The following UTS2B variants were observed in gnomAD, a reference collection of about 807,000 sequenced individuals.
The protein encoded by UTS2B is urotensin 2B.
UTS2B carries 21 observed loss-of-function variants against 19.2 expected under a neutral mutation model. That is an observed-to-expected ratio of 1.09 (90% CI 0.78 to 1.58). The LOEUF is 1.58. Ranked by LOEUF, UTS2B falls within the 40% of genes most tolerant of loss-of-function variation. The pLI is 0.00. For missense variants in UTS2B, 138 were observed against 130.3 expected (o/e 1.06, Z -0.29); for synonymous variants, 57 against 50.2 (o/e 1.14, Z -0.58).
chr3:191,280,976 G>A (rs965197022), intron 5 of UTS2B, among the ~76,000 whole-genome samples: 1 of 152,114 alleles, frequency 6.6e-6, no homozygotes, highest in Non-Finnish European at 1.5e-5. Context: ...AGGTCTCTGA[G>A]ACTACTTGTT....
chr3:191,283,371 G>T (rs998813635), intron 4 of UTS2B, among the ~76,000 whole-genome samples: 1 of 152,134 alleles, frequency 6.6e-6, no homozygotes, highest in Admixed American at 6.5e-5. Context: ...ACTGATTCCT[G>T]AAGCTACTGA....
At chr3:191,320,028 A>G (rs1336879950) in intron 2 of UTS2B, among the ~76,000 whole-genome samples, 1 of 152,178 alleles carries the variant, frequency 6.6e-6, no homozygotes, top group Admixed American at 6.5e-5. Flanking sequence ...TTATATGTCA[A>G]CACTATTCTA....
At chr3:191,295,098 G>A (rs1048611774) in intron 4 of UTS2B, among the ~76,000 whole-genome samples, 1 of 151,802 alleles carries the variant, frequency 6.6e-6, no homozygotes, top group Non-Finnish European at 1.5e-5. Context: ...CACCAAATAA[G>A]TTTTATTAGG....
chr3:191,330,104 G>A (rs1434018137), intron 1 of UTS2B, among the ~76,000 whole-genome samples: 2 of 152,148 alleles, frequency 1.3e-5, no homozygotes, highest in African/African-American at 4.8e-5. Context: ...CTGGGAAGTG[G>A]AGAGGGGTTG....
At chr3:191,285,806 G>A (rs1413998657) in intron 4 of UTS2B, among the ~76,000 whole-genome samples, 3 of 152,020 alleles carry the variant, frequency 2.0e-5, no homozygotes, top group Non-Finnish European at 4.4e-5. Context: ...AGCTGAGGCA[G>A]GGGAATCAAT....
intron 5 of UTS2B, among the ~76,000 whole-genome samples, chr3:191,281,154 G>A (rs1035207636): frequency 6.6e-6 from 1 of 152,182 alleles, no homozygotes; most frequent in African/African-American, 2.4e-5. Context: ...CTAATGTCAT[G>A]TAAACAAAAT....
intron 3 of UTS2B, among the ~76,000 whole-genome samples, chr3:191,310,011 G>A (rs890135738): frequency 1.3e-5 from 2 of 150,712 alleles, no homozygotes; most frequent in Non-Finnish European, 3.0e-5. Flanking sequence ...CACCCAGGCT[G>A]GAGCGCAGTG....
intron 4 of UTS2B, among the ~76,000 whole-genome samples, chr3:191,291,230 T>C (rs1288983007): frequency 1.3e-5 from 2 of 152,194 alleles, no homozygotes; most frequent in Non-Finnish European, 2.9e-5. Context: ...ATACATAATT[T>C]GAAAACATTT....
intron 2 of UTS2B, among the ~76,000 whole-genome samples, chr3:191,316,976 C>A (rs1024477854): frequency 2.0e-5 from 3 of 152,248 alleles, no homozygotes; most frequent in Non-Finnish European, 2.9e-5. Context: ...CCGGGGCTGC[C>A]GGCGGAGCCT....
intron 4 of UTS2B, among the ~76,000 whole-genome samples, chr3:191,292,590 TCAA>T (rs1716749277): frequency 6.6e-6 from 1 of 152,216 alleles, no homozygotes; most frequent in Non-Finnish European, 1.5e-5. Context: ...GAAGATCATG[TCAA>T]CAAATAGAGA....
At chr3:191,340,052 G>T in the UTS2B span, among the ~76,000 whole-genome samples, 13,837 of 152,210 alleles carry the variant, frequency 0.091, 685 homozygotes, top group East Asian at 0.25. Flanking sequence ...TATAATACTT[G>T]TATCCAAAAG....
intron 8 of UTS2B, among the ~76,000 whole-genome samples, chr3:191,268,910 C>A (rs1299608351): frequency 6.6e-6 from 1 of 152,182 alleles, no homozygotes; most frequent in Non-Finnish European, 1.5e-5. Flanking sequence ...GGAAGGAAGA[C>A]AGTTTAAAGG....
chr3:191,286,735 A>G (rs969454531), intron 4 of UTS2B, among the ~76,000 whole-genome samples: 6 of 152,086 alleles, frequency 3.9e-5, no homozygotes, highest in Admixed American at 1.3e-4. Context: ...ACGAAGCCCA[A>G]AGTTAGTGAG....
At chr3:191,298,220 T>G (rs560454842) in intron 4 of UTS2B, among the ~76,000 whole-genome samples, 2 of 146,272 alleles carry the variant, frequency 1.4e-5, no homozygotes, top group African/African-American at 5.0e-5. Context: ...GAAAAATGTA[T>G]ACATTGAATT....
chr3:191,323,184 T>A (rs991482017), intron 2 of UTS2B, among the ~76,000 whole-genome samples: 7 of 152,010 alleles, frequency 4.6e-5, no homozygotes, highest in African/African-American at 1.7e-4. Context: ...ACTCTCGCTG[T>A]CGCCCAGGCT....
intron 3 of UTS2B, among the ~76,000 whole-genome samples, chr3:191,315,013 A>ATT (rs796258238): frequency 3.8e-4 from 54 of 143,544 alleles, no homozygotes; most frequent in African/African-American, 8.7e-4. Context: ...CCACCCTAGA[A>ATT]TTTTTTTTTT....
the UTS2B span, among the ~76,000 whole-genome samples, chr3:191,345,076 T>C: frequency 1.3e-5 from 2 of 152,292 alleles, no homozygotes; most frequent in East Asian, 1.9e-4. Flanking sequence ...AATGATGTCC[T>C]GATTGAGCTC....
chr3:191,338,541 T>C, the UTS2B span, among the ~76,000 whole-genome samples: 4 of 152,212 alleles, frequency 2.6e-5, no homozygotes, highest in African/African-American at 9.6e-5. Flanking sequence ...CTAGAAAATA[T>C]TTTCAATTCT....
At chr3:191,294,287 C>T (rs1716800340) in intron 4 of UTS2B, among the ~76,000 whole-genome samples, 1 of 151,784 alleles carries the variant, frequency 6.6e-6, no homozygotes, top group African/African-American at 2.4e-5. Context: ...AAGGATTCAA[C>T]TGAAATATAA....
Sources: allele counts gnomAD v4.1 joint callset (sites outside exome capture counted in the v4.1 genomes callset), GRCh38; gene constraint gnomAD v4.1.1; transcripts MANE v1.5; gene names NCBI Gene and HGNC (gene_info 2026-07-23, HGNC 2026-07-21).